The following GSE1 variants were observed in gnomAD, a reference collection of about 807,000 sequenced individuals.
The protein encoded by GSE1 is Gse1 coiled-coil protein.
A neutral mutation model predicts 112.6 loss-of-function variants in GSE1; 32 were observed. The observed-to-expected ratio is 0.28, with a 90% CI of 0.21 to 0.38. The LOEUF is 0.38. GSE1 is among the 10% of genes least tolerant of loss of function. The probability of loss-of-function intolerance (pLI) is 1.00; values close to 1 mark genes in which losing one functional copy is unlikely to be tolerated. For missense variants in GSE1, 2,348 were observed against 1,699.2 expected (o/e 1.38, Z -6.71); for synonymous variants, 1,115 against 735.6 (o/e 1.52, Z -8.35).
intron 2 of GSE1, among the ~76,000 whole-genome samples, chr16:85,368,111 C>G (rs2151592275): frequency 6.6e-6 from 1 of 152,294 alleles, no homozygotes; most frequent in African/African-American, 2.4e-5. Context: ...GCCTCAGCCT[C>G]CCAAAGTGCT....
chr16:85,518,037 G>C (rs556575837), intron 2 of GSE1, among the ~76,000 whole-genome samples: 1 of 152,296 alleles, frequency 6.6e-6, no homozygotes, highest in South Asian at 2.1e-4. Context: ...GGGCACCAGG[G>C]ACACGGCTCC....
rs542317818 is a variant in GSE1, at chr16:85,535,472, C to T, written c.2465-98442C>T. Among the ~76,000 whole-genome samples the T allele has an allele frequency of 5.3e-5, 8 of 152,352 alleles. No homozygotes were observed. The South Asian group carries it at 1.4e-3, about 28-fold the overall frequency. On this transcript the variant is annotated intron_variant, in intron 2 of 2. Transcript: ENST00000637419. ...TACAGACACCCTCAGCCTGTGTGACCCGGGAGCTTTTCCAGGCCGCTGAGG... is the reference window on the plus strand; with the variant it reads ...TACAGACACCCTCAGCCTGTGTGACTCGGGAGCTTTTCCAGGCCGCTGAGG...
chr16:85,235,750 G>GCCCGC lies in GSE1; in HGVS notation c.2283+63947_2283+63951dup, dbSNP rs1555544719. Among the ~76,000 whole-genome samples, 29 of 151,890 alleles carry GCCCGC rather than the reference G, an allele frequency of 1.9e-4. No individual in the cohort carries two copies. The East Asian group carries it at 4.3e-3, about 23-fold the overall frequency. On this transcript the variant is annotated intron_variant, in intron 1 of 2. Transcript: ENST00000637419. ...GGCGGGACTAGGAGGTGGGGGGCCC[G>GCCCGC]CCCGCCCCAGGAAGCGTGGCGGGTG...
At chr16:85,315,588 C>G (rs1192630093) in intron 1 of GSE1, among the ~76,000 whole-genome samples, 3 of 152,124 alleles carry the variant, frequency 2.0e-5, no homozygotes, top group Non-Finnish European at 4.4e-5. Flanking sequence ...AACCAAAACC[C>G]AACCCCTGTG....
chr16:85,232,465 G>A (rs371925478), intron 1 of GSE1, among the ~76,000 whole-genome samples: 179 of 152,308 alleles, frequency 1.2e-3, no homozygotes, highest in Middle Eastern at 6.8e-3. Flanking sequence ...GGCTGTGAGT[G>A]TCCAGAGTGA....
intron 2 of GSE1, among the ~76,000 whole-genome samples, chr16:85,404,019 TACG>T (rs1567739603): frequency 2.0e-5 from 3 of 151,310 alleles, no homozygotes; most frequent in African/African-American, 2.4e-5. Flanking sequence ...GTGCCGTCCT[TACG>T]GGGCCTTTCC....
chr16:85,273,863 A>T (rs922476379), intron 1 of GSE1, among the ~76,000 whole-genome samples: 1 of 138,906 alleles, frequency 7.2e-6, no homozygotes, highest in South Asian at 2.3e-4. Context: ...CTAATTTTGT[A>T]TTTTTTTTTT....
At chr16:85,220,196 A>C (rs926260889) in intron 1 of GSE1, among the ~76,000 whole-genome samples, 4 of 152,156 alleles carry the variant, frequency 2.6e-5, no homozygotes, top group Admixed American at 1.3e-4. Context: ...GTTACCCCGC[A>C]CCTGGGATTT....
At chr16:85,648,895 G>A in intron 3 of GSE1, 144 bp downstream of exon 3, 1 of 524,014 alleles carries the variant, frequency 1.9e-6, no homozygotes, top group East Asian at 3.4e-5. Context: ...CTCCTTCTCT[G>A]CAACGTGAGG....
At chr16:85,363,100 G>C (rs1288012549) in intron 2 of GSE1, among the ~76,000 whole-genome samples, 1 of 152,204 alleles carries the variant, frequency 6.6e-6, no homozygotes, top group Non-Finnish European at 1.5e-5. Flanking sequence ...GCCTCCCAAA[G>C]TGTTGGGATT....
intron 1 of GSE1, among the ~76,000 whole-genome samples, chr16:85,232,137 C>T (rs1567626277): frequency 6.6e-6 from 1 of 152,222 alleles, no homozygotes; most frequent in African/African-American, 2.4e-5. Flanking sequence ...GCCTTCGATA[C>T]ATCCCTTGGG....
intron 1 of GSE1, among the ~76,000 whole-genome samples, chr16:85,278,211 G>T (rs936023915): frequency 2.1e-4 from 32 of 152,236 alleles, no homozygotes; most frequent in African/African-American, 6.5e-4. Context: ...AGCGTCAGGG[G>T]GCGGGGGTGC....
chr16:85,186,865 C>T (rs892404489), intron 1 of GSE1, among the ~76,000 whole-genome samples: 3 of 152,234 alleles, frequency 2.0e-5, no homozygotes, highest in Admixed American at 6.5e-5. Flanking sequence ...GAAATAGCAG[C>T]GATGGTTGCC....
At chr16:85,653,295 T>C (rs1270581536) in intron 3 of GSE1, among the ~76,000 whole-genome samples, 1 of 2,280 alleles carries the variant, frequency 4.4e-4, no homozygotes. Flanking sequence ...TACCCCCTCC[T>C]CCTCCTCCTA....
chr16:85,488,405 G>A (rs1022900022), intron 2 of GSE1, among the ~76,000 whole-genome samples: 9 of 152,078 alleles, frequency 5.9e-5, no homozygotes, highest in East Asian at 5.8e-4. Flanking sequence ...TCATTTATTC[G>A]CACAGCCAGC....
intron 4 of GSE1, 61 bp from the exon 5 acceptor site, chr16:85,654,733 C>T (rs1598615814): frequency 5.9e-6 from 6 of 1,017,632 alleles, no homozygotes; most frequent in Admixed American, 1.9e-5. Flanking sequence ...TAGCCGTCCC[C>T]CCATGCAGGA....
At chr16:85,646,344 C>T (rs1271555325) in intron 2 of GSE1, among the ~76,000 whole-genome samples, 1 of 152,286 alleles carries the variant, frequency 6.6e-6, no homozygotes, top group Non-Finnish European at 1.5e-5. Flanking sequence ...ACCACACCTC[C>T]TCAGATGGCA....
chr16:85,425,116 G>A (rs1003856374), intron 2 of GSE1, among the ~76,000 whole-genome samples: 3 of 152,228 alleles, frequency 2.0e-5, no homozygotes, highest in Non-Finnish European at 4.4e-5. Context: ...GCCCTGGGGC[G>A]GGGGGTTGTC....
intron 1 of GSE1, among the ~76,000 whole-genome samples, chr16:85,347,759 A>T (rs1173730143): frequency 6.6e-6 from 1 of 150,614 alleles, no homozygotes; most frequent in Non-Finnish European, 1.5e-5. Flanking sequence ...GATGCTGTGG[A>T]CATAGTGGCT....
Sources: gnomAD v4.1 joint callset for allele counts (sites outside exome capture counted in the v4.1 genomes callset) on GRCh38, gnomAD v4.1.1 for gene constraint, MANE v1.5 for transcripts, NCBI Gene and HGNC (gene_info 2026-07-23, HGNC 2026-07-21) for gene names.